The following PTGIS variants were observed in gnomAD, a reference collection of about 807,000 sequenced individuals.
PTGIS encodes the protein prostaglandin I2 synthase.
Under a neutral mutation model 50.3 loss-of-function variants are expected in PTGIS, and 45 were observed. That is an observed-to-expected ratio of 0.90 (90% CI 0.70 to 1.15). The LOEUF is 1.15. Among genes scored for constraint, PTGIS ranks in the 50% most tolerant of loss-of-function variants. The pLI is 0.00. For synonymous variants in PTGIS, 260 were observed against 267.7 expected (o/e 0.97, Z 0.28); for missense variants, 668 against 661.3 (o/e 1.01, Z -0.11).
At chr20:49,517,230 T>C (rs1314469259) in intron 6 of PTGIS, among the ~76,000 whole-genome samples, 2 of 152,224 alleles carry the variant, frequency 1.3e-5, no homozygotes, top group African/African-American at 2.4e-5. Context: ...ATCACTTAAA[T>C]AGCCAGGCAA....
intron 5 of PTGIS, among the ~76,000 whole-genome samples, chr20:49,538,162 G>T (rs1982128028): frequency 6.8e-6 from 1 of 148,034 alleles, no homozygotes; most frequent in Admixed American, 6.8e-5. Flanking sequence ...AGCTGAGGGG[G>T]AAGGATCACT....
chr20:49,509,063 A>T (rs1271157097), intron 9 of PTGIS, among the ~76,000 whole-genome samples: 2 of 152,080 alleles, frequency 1.3e-5, no homozygotes, highest in East Asian at 3.9e-4. Flanking sequence ...GGGAGTTAAC[A>T]CTCTGGACAG....
rs1189974269 is a variant in PTGIS at position 49,514,799 on chromosome 20, T to C, written c.856-404A>G. 2.6e-5 allele frequency among the ~76,000 whole-genome samples: 4 copies of C among 152,228 alleles called. 1 individual carries two copies. Among genetic ancestry groups the C allele is most frequent in the Non-Finnish European group, 1.5e-5 (1 of 68,048 alleles). On this transcript the variant is annotated intron_variant, in intron 6 of 9. Coordinates refer to ENST00000244043, the MANE Select transcript of PTGIS (RefSeq NM_000961.4). ...CGCTCCTTACCATGTGAATTTGCTG[T>C]TCCTCCTATTCAAGAGCCAGAGCGT... is the stretch of plus-strand genomic sequence containing the variant.
chr20:49,551,916 G>A (rs1460962808), intron 1 of PTGIS, among the ~76,000 whole-genome samples: 1 of 150,828 alleles, frequency 6.6e-6, no homozygotes, highest in Non-Finnish European at 1.5e-5. Context: ...CTTCCCAGTC[G>A]ACTGAATTCT....
At chr20:49,558,143 C>T (rs2122900577) in intron 1 of PTGIS, among the ~76,000 whole-genome samples, 1 of 152,318 alleles carries the variant, frequency 6.6e-6, no homozygotes, top group Admixed American at 6.5e-5. Context: ...AATCCCAACA[C>T]TCTGGGAGGC....
At chr20:49,551,076 G>A (rs1982494796) in intron 1 of PTGIS, among the ~76,000 whole-genome samples, 1 of 152,118 alleles carries the variant, frequency 6.6e-6, no homozygotes, top group Non-Finnish European at 1.5e-5. Context: ...TGGTCGTGGT[G>A]CATGCCTGTA....
rs373007336 is a variant in PTGIS, at chr20:49,547,973, G to A, written c.245C>T (p.Ser82Phe). ...AGGCTCCCACACCACCGCGTCGTAG[G>A]AGTGTGGGTCCAGGAGAACGGTGAC... ...RYVTVLLDPHSYDAVVWEPRT... is the reference protein window; with the variant it reads ...RYVTVLLDPHFYDAVVWEPRT... The change falls in exon 3 of 10, where the codon TCC becomes TTC. Residue 82 changes from serine (S) to phenylalanine (F), a missense_variant. Transcript: ENST00000244043. The A allele has an allele frequency of 1.9e-5, 31 of 1,614,030 alleles. No homozygotes were observed. Among genetic ancestry groups the A allele is most frequent in the Non-Finnish European group, 2.6e-5 (31 of 1,180,034 alleles).
rs1427286712 is a variant in PTGIS, at chr20:49,505,630, T to C, written c.*2290A>G. The C allele has an allele frequency of 6.5e-6, 1 of 152,694 alleles. No homozygotes were observed. The highest frequency in any genetic ancestry group is 2.4e-5 in the African/African-American group (1 of 41,446). The allele number at this position is 152,694 out of a possible 1,614,324, so 9.5% of individuals were successfully genotyped here. ...GTTGCAGCCTGCGCAAGACCTTCCA[T>C]AGCTATTTCTGCCGGCTTGCTTCCT... On this transcript the variant is annotated 3_prime_UTR_variant, in exon 10 of 10. Coordinates refer to ENST00000244043, the MANE Select transcript of PTGIS (RefSeq NM_000961.4).
At position 49,530,424 on chromosome 20, in the gene PTGIS, T is replaced by C. The variant is rs6019883; in HGVS notation, c.674-6185A>G. The stretch of plus-strand genomic sequence containing the variant: ...CATCTCTTCAAGACAGTGATTTCAT[T>C]TCCTTTGAATATATACCTAGAAGAG... On this transcript the variant is annotated intron_variant, in intron 5 of 9. Transcript: ENST00000244043. 3.4e-4 allele frequency among the ~76,000 whole-genome samples: 52 copies of C among 152,298 alleles called. 1 individual carries two copies. Among genetic ancestry groups the C allele is most frequent in the African/African-American group, 1.2e-3 (51 of 41,552 alleles).
chr20:49,510,011 C>A (rs8115055), intron 9 of PTGIS, among the ~76,000 whole-genome samples: 8,188 of 151,138 alleles, frequency 0.054, 571 homozygotes, highest in African/African-American at 0.16. Flanking sequence ...GCCTCAGCCT[C>A]CTGAGTAGTT....
intron 1 of PTGIS, among the ~76,000 whole-genome samples, chr20:49,559,985 C>T (rs931963867): frequency 6.0e-5 from 9 of 150,416 alleles, no homozygotes; most frequent in Non-Finnish European, 8.8e-5. Flanking sequence ...AGTGCAATGG[C>T]GCGATCTTGG....
intron 5 of PTGIS, among the ~76,000 whole-genome samples, chr20:49,527,289 CAA>C (rs36033143): frequency 0.07 from 7,747 of 111,104 alleles, 644 homozygotes; most frequent in African/African-American, 0.21. Context: ...TACTAAAATA[CAA>C]AAAAAAAAAA....
At chr20:49,555,435 TTCAG>T (rs1982603811) in intron 1 of PTGIS, among the ~76,000 whole-genome samples, 1 of 152,198 alleles carries the variant, frequency 6.6e-6, no homozygotes, top group Admixed American at 6.5e-5. Flanking sequence ...AAATAGTCAA[TTCAG>T]TCCTTTTGAC....
intron 1 of PTGIS, among the ~76,000 whole-genome samples, chr20:49,556,150 ATT>A (rs1487533577): frequency 5.3e-5 from 8 of 152,326 alleles, no homozygotes; most frequent in African/African-American, 1.9e-4. Flanking sequence ...TTAAAACAGA[ATT>A]TCTTTCTCTT....
intron 1 of PTGIS, among the ~76,000 whole-genome samples, chr20:49,562,603 T>G (rs1982804676): frequency 6.6e-6 from 1 of 152,192 alleles, no homozygotes; most frequent in Non-Finnish European, 1.5e-5. Flanking sequence ...TGCCAGGCCC[T>G]GGCGGGCAGG....
intron 1 of PTGIS, among the ~76,000 whole-genome samples, chr20:49,558,116 T>A (rs542448613): frequency 1.3e-5 from 2 of 152,308 alleles, no homozygotes; most frequent in African/African-American, 4.8e-5. Context: ...AGGCTGGGCA[T>A]GGTGTCTCAT....
At chr20:49,522,517 G>A (rs1981676596) in intron 6 of PTGIS, among the ~76,000 whole-genome samples, 1 of 151,924 alleles carries the variant, frequency 6.6e-6, no homozygotes, top group African/African-American at 2.4e-5. Flanking sequence ...TTTAAGAGGT[G>A]GAATCTCACT....
intron 1 of PTGIS, among the ~76,000 whole-genome samples, chr20:49,557,708 T>C (rs112874061): frequency 6.6e-6 from 1 of 152,348 alleles, no homozygotes; most frequent in African/African-American, 2.4e-5. Context: ...CTGCCTTTCC[T>C]ACTATTCCTA....
chr20:49,519,181 C>G (rs1243153508), intron 6 of PTGIS, among the ~76,000 whole-genome samples: 2 of 151,942 alleles, frequency 1.3e-5, no homozygotes, highest in East Asian at 3.9e-4. Context: ...TCCTCTTCCC[C>G]TTGCCTGGAC....
Sources: gnomAD v4.1 joint callset for allele counts (sites outside exome capture counted in the v4.1 genomes callset) on GRCh38, gnomAD v4.1.1 for gene constraint, MANE v1.5 for transcripts, NCBI Gene and HGNC (gene_info 2026-07-23, HGNC 2026-07-21) for gene names.